Variants in GFPT1 observed in about 807,000 individuals in gnomAD.
The protein encoded by GFPT1 is glutamine--fructose-6-phosphate aminotransferase [isomerizing] 1.
Under a neutral mutation model 92.0 loss-of-function variants are expected in GFPT1, and 40 were observed. That is an observed-to-expected ratio of 0.43 (90% confidence interval 0.34 to 0.57). The LOEUF (loss-of-function observed/expected upper bound fraction) is 0.57, where lower values mean the gene tolerates loss of function less well. GFPT1 is among the 20% of genes least tolerant of loss of function. The probability of loss-of-function intolerance (pLI) is 0.02; values close to 1 mark genes in which losing one functional copy is unlikely to be tolerated. For missense variants in GFPT1, 448 were observed against 869.1 expected (o/e 0.52, Z 6.09); for synonymous variants, 269 against 280.6 (o/e 0.96, Z 0.41).
chr2:69,326,772 T>C (rs1320297631), intron 19 of GFPT1, 142 bp downstream of exon 19: 1 of 803,954 alleles, frequency 1.2e-6, no homozygotes, highest in Non-Finnish European at 2.1e-6. Flanking sequence ...AACCTACAAA[T>C]TGGGCCATGA....
intron 2 of GFPT1, 108 bp downstream of exon 2, chr2:69,373,898 C>T: frequency 1.6e-6 from 1 of 631,120 alleles, no homozygotes; most frequent in Non-Finnish European, 2.9e-6. Context: ...TTCCAATTTA[C>T]ACTTACTCAA....
intron 11 of GFPT1, among the ~76,000 whole-genome samples, 185 bp downstream of exon 11, chr2:69,347,986 A>C (rs1405439774): frequency 6.6e-6 from 1 of 152,250 alleles, no homozygotes; most frequent in Non-Finnish European, 1.5e-5. Context: ...ATTAGTTTGA[A>C]GACGATTGTA....
chr2:69,352,612 C>CAAAA (rs748958210), intron 9 of GFPT1, among the ~76,000 whole-genome samples: 550 of 45,664 alleles, frequency 0.012, 1 homozygote, highest in African/African-American at 0.014. Flanking sequence ...GACTTCGTCT[C>CAAAA]AAAAAAAAAA....
chr2:69,338,181 C>A (rs1670848125), intron 14 of GFPT1, 126 bp from the exon 15 acceptor site: 1 of 903,570 alleles, frequency 1.1e-6, no homozygotes, highest in Admixed American at 1.8e-5. Context: ...ACAAAACATC[C>A]ACTTAATAAA....
chr2:69,348,255 TAGAA>T lies in GFPT1; in HGVS notation c.921_924del (p.His310GlufsTer25). 6.2e-7 allele frequency: 1 copy of T among 1,612,292 alleles called. No individual in the cohort carries two copies. The highest frequency in any genetic ancestry group is 8.5e-7 in the Non-Finnish European group (1 of 1,178,286). On this transcript the variant is annotated frameshift_variant, in exon 11 of 20. Transcript: ENST00000357308. LOFTEE classifies it high-confidence loss of function. The stretch of plus-strand genomic sequence containing the variant: ...CCTGCAGTTCGTTTAATTCGATGGA[TAGAA>T]AGACGTCCATCCACTACTGCTGCAA...
At chr2:69,352,875 G>T (rs1232180212) in intron 9 of GFPT1, among the ~76,000 whole-genome samples, 1 of 151,288 alleles carries the variant, frequency 6.6e-6, no homozygotes, top group African/African-American at 2.4e-5. Flanking sequence ...GCGAAACCCC[G>T]TCTCTACTAA....
chr2:69,347,296 C>T (rs1671107022), intron 11 of GFPT1, among the ~76,000 whole-genome samples: 1 of 151,824 alleles, frequency 6.6e-6, no homozygotes, highest in Admixed American at 6.6e-5. Context: ...AGTGATCCTC[C>T]TACCTTGGCC....
chr2:69,348,310 G>A lies in GFPT1; in HGVS notation c.870C>T (p.Arg290=), dbSNP rs754486756. The A allele has an allele frequency of 1.8e-5, 29 of 1,612,906 alleles. No homozygotes were observed. The Admixed American group carries it at 2.3e-4, about 13-fold the overall frequency. ...CATCATCATCTTCCAGAAAGATGAC[G>A]CGATTGGTGTGTTCTATGACAGCAC... The part of the protein sequence containing the change: ...DASAVIEHTN[R]VIFLEDDDVA... Residue 290 remains arginine (R), a synonymous_variant, in exon 11 of 20, where the codon CGC becomes CGT. Transcript: ENST00000357308.
chr2:69,384,973 A>C (rs1672099621), intron 1 of GFPT1, among the ~76,000 whole-genome samples: 1 of 152,180 alleles, frequency 6.6e-6, no homozygotes, highest in Non-Finnish European at 1.5e-5. Context: ...TATCTTTCAG[A>C]ATTTACATTA....
At chr2:69,381,194 G>A (rs775991558) in intron 1 of GFPT1, among the ~76,000 whole-genome samples, 44 of 152,302 alleles carry the variant, frequency 2.9e-4, no homozygotes, top group Non-Finnish European at 3.4e-4. Flanking sequence ...CGCTGGCCAG[G>A]CTGGTCTCGA....
chr2:69,376,248 C>T (rs1287215431), intron 1 of GFPT1, among the ~76,000 whole-genome samples: 1 of 152,234 alleles, frequency 6.6e-6, no homozygotes, highest in Non-Finnish European at 1.5e-5. Context: ...CAGTGGCTCA[C>T]GCCTGTAATC....
At chr2:69,360,486 TGGAGTA>T (rs921619142) in intron 4 of GFPT1, among the ~76,000 whole-genome samples, 14 of 150,456 alleles carry the variant, frequency 9.3e-5, no homozygotes, top group African/African-American at 3.2e-4. Context: ...GTCACCAAGC[TGGAGTA>T]CAGTGGCTCA....
At chr2:69,377,199 C>T (rs1470884560) in intron 1 of GFPT1, among the ~76,000 whole-genome samples, 4 of 116,428 alleles carry the variant, frequency 3.4e-5, no homozygotes, top group Non-Finnish European at 6.7e-5. Context: ...CAGAGCAAGA[C>T]TCCGTCTCAA....
chr2:69,332,490 G>GT lies in GFPT1; in HGVS notation c.1483-2693dup, dbSNP rs199569794. On this transcript the variant is annotated intron_variant, in intron 15 of 19. Transcript: ENST00000357308. ...CACCATGCCCGGCTAATTTTCTCGT[G>GT]TTTTTTTAGTAGAGACGGGGTTTCA... Among the ~76,000 whole-genome samples the GT allele has an allele frequency of 7.2e-3, 1,087 of 151,018 alleles. 6 individuals carry two copies. Among genetic ancestry groups the GT allele is most frequent in the Middle Eastern group, 0.027 (8 of 292 alleles).
intron 12 of GFPT1, among the ~76,000 whole-genome samples, chr2:69,344,186 C>CAAA (rs10602884): frequency 2.0e-3 from 131 of 64,324 alleles, no homozygotes; most frequent in African/African-American, 3.3e-3. Context: ...AAAAGCAAAG[C>CAAA]AAAAAAAAAA....
At chr2:69,338,651 C>T (rs539461896) in intron 13 of GFPT1, 86 bp from the exon 14 acceptor site, 2 of 1,360,192 alleles carry the variant, frequency 1.5e-6, no homozygotes, top group African/African-American at 1.4e-5. Context: ...ATAGTTTTTG[C>T]TTTTTCTGAT....
chr2:69,347,139 G>C (rs922721927), intron 11 of GFPT1, among the ~76,000 whole-genome samples: 2 of 151,930 alleles, frequency 1.3e-5, no homozygotes, highest in African/African-American at 4.8e-5. Context: ...TTGAACTCCT[G>C]AGCTCTGGCA....
chr2:69,331,666 TTAG>T (rs1337233510), intron 15 of GFPT1, among the ~76,000 whole-genome samples: 1 of 152,182 alleles, frequency 6.6e-6, no homozygotes, highest in African/African-American at 2.4e-5. Context: ...TCTAATTGTA[TTAG>T]TATTGTGAAT....
At chr2:69,358,486 GAT>G in intron 5 of GFPT1, 23 bp from the exon 6 acceptor site, 1 of 1,515,688 alleles carries the variant, frequency 6.6e-7, no homozygotes, top group Non-Finnish European at 9.1e-7. Context: ...AGAAAAAAAA[GAT>G]ACAATTAAAG....
Sources: gnomAD v4.1 joint callset for allele counts (sites outside exome capture counted in the v4.1 genomes callset) on GRCh38, gnomAD v4.1.1 for gene constraint, MANE v1.5 for transcripts, NCBI Gene and HGNC (gene_info 2026-07-23, HGNC 2026-07-21) for gene names.